PTPRT: variants seen among roughly 807,000 people sequenced by gnomAD.
PTPRT encodes the protein receptor-type tyrosine-protein phosphatase T.
In PTPRT, 56 loss-of-function variants were observed where a neutral mutation model predicts 176.8. The observed-to-expected ratio is 0.32, with a 90% CI of 0.26 to 0.40. The LOEUF is 0.40. Ranked by LOEUF, PTPRT falls within the 10% of genes least tolerant of loss-of-function variation. The pLI is 1.00. For missense variants in PTPRT, 1,540 were observed against 1,908.2 expected (o/e 0.81, Z 3.60); for synonymous variants, 783 against 739.0 (o/e 1.06, Z -0.96).
At chr20:42,650,266 A>G (rs1264219067) in intron 7 of PTPRT, among the ~76,000 whole-genome samples, 1 of 152,114 alleles carries the variant, frequency 6.6e-6, no homozygotes, top group African/African-American at 2.4e-5. Flanking sequence ...ACCAACCTCC[A>G]ATACCCTGTC....
intron 9 of PTPRT, among the ~76,000 whole-genome samples, chr20:42,352,549 G>A (rs781410851): frequency 5.3e-5 from 8 of 152,200 alleles, no homozygotes; most frequent in Non-Finnish European, 1.2e-4. Flanking sequence ...TACAGAGATA[G>A]AGAGTAGAAG....
intron 12 of PTPRT, among the ~76,000 whole-genome samples, chr20:42,293,055 T>C (rs2057340927): frequency 6.6e-6 from 1 of 152,184 alleles, no homozygotes; most frequent in African/African-American, 2.4e-5. Context: ...ATGTTCACTA[T>C]CAACTTTATG....
chr20:42,409,724 G>A (rs1363352949), intron 9 of PTPRT, among the ~76,000 whole-genome samples: 1 of 152,202 alleles, frequency 6.6e-6, no homozygotes, highest in Non-Finnish European at 1.5e-5. Context: ...GTCCCTTCAG[G>A]AAAGAGTTTG....
chr20:42,043,250 G>C, the PTPRT span, among the ~76,000 whole-genome samples: 1 of 152,208 alleles, frequency 6.6e-6, no homozygotes, highest in African/African-American at 2.4e-5. Flanking sequence ...AAAGCCCTTA[G>C]CTAGTTCTTC....
At chr20:42,787,807 A>G (rs1385187219) in intron 3 of PTPRT, among the ~76,000 whole-genome samples, 1 of 152,244 alleles carries the variant, frequency 6.6e-6, no homozygotes, top group Non-Finnish European at 1.5e-5. Flanking sequence ...TACTACTTAC[A>G]GTCTTTATTT....
At chr20:42,290,988 G>A (rs2057308221) in intron 12 of PTPRT, among the ~76,000 whole-genome samples, 2 of 152,086 alleles carry the variant, frequency 1.3e-5, no homozygotes, top group Non-Finnish European at 2.9e-5. Flanking sequence ...TCATTTAATA[G>A]GATGTAGATT....
chr20:42,175,854 A>G (rs930710132), intron 16 of PTPRT, among the ~76,000 whole-genome samples: 3 of 152,190 alleles, frequency 2.0e-5, no homozygotes, highest in Non-Finnish European at 4.4e-5. Context: ...TAAAATGTTA[A>G]TAGTAGAATC....
At chr20:43,060,042 C>A (rs1262372560) in intron 1 of PTPRT, among the ~76,000 whole-genome samples, 3 of 151,688 alleles carry the variant, frequency 2.0e-5, no homozygotes, top group Non-Finnish European at 2.9e-5. Flanking sequence ...TATGTCTGTT[C>A]AAGGCAGTGT....
chr20:42,430,985 G>C (rs922617734), intron 9 of PTPRT, among the ~76,000 whole-genome samples: 19 of 152,158 alleles, frequency 1.2e-4, no homozygotes, highest in Middle Eastern at 6.8e-3. Context: ...AGTTACAAAA[G>C]TATTCATTCC....
intron 8 of PTPRT, among the ~76,000 whole-genome samples, chr20:42,450,405 G>A (rs973696423): frequency 3.3e-5 from 5 of 152,284 alleles, no homozygotes; most frequent in Non-Finnish European, 5.9e-5. Context: ...AAAATTAAGT[G>A]CATGTGTATG....
chr20:42,715,341 T>G (rs1347361172), intron 6 of PTPRT, among the ~76,000 whole-genome samples: 1 of 152,106 alleles, frequency 6.6e-6, no homozygotes, highest in Non-Finnish European at 1.5e-5. Flanking sequence ...CCAAGATAAT[T>G]CAGATGTTAG....
At chr20:43,074,032 C>G (rs6072964) in intron 1 of PTPRT, among the ~76,000 whole-genome samples, 97,763 of 151,968 alleles carry the variant, frequency 0.64, 32,272 homozygotes, top group East Asian at 0.82. Context: ...GGGATTACAA[C>G]TGTGAGCCAC....
At chr20:42,780,048 G>A (rs2077192523) in intron 4 of PTPRT, among the ~76,000 whole-genome samples, 170 bp downstream of exon 4, 1 of 152,064 alleles carries the variant, frequency 6.6e-6, no homozygotes, top group Non-Finnish European at 1.5e-5. Flanking sequence ...GCAAAATTAT[G>A]GATTTATTCA....
chr20:42,796,456 A>G (rs527483553), intron 2 of PTPRT, among the ~76,000 whole-genome samples: 33 of 152,320 alleles, frequency 2.2e-4, no homozygotes, highest in Admixed American at 6.5e-4. Context: ...CAACCTACTC[A>G]TTTTATAAAC....
intron 6 of PTPRT, among the ~76,000 whole-genome samples, chr20:42,724,672 C>T (rs1416257771): frequency 6.6e-6 from 1 of 152,160 alleles, no homozygotes; most frequent in Non-Finnish European, 1.5e-5. Context: ...GTAACTCATG[C>T]TTGTAATCCC....
chr20:43,143,760 C>G (rs2014087764), intron 1 of PTPRT, among the ~76,000 whole-genome samples: 1 of 152,156 alleles, frequency 6.6e-6, no homozygotes, highest in Non-Finnish European at 1.5e-5. Flanking sequence ...AAGAGGCAGA[C>G]AGACAGCAGA....
At chr20:42,839,992 C>T (rs1329615567) in intron 2 of PTPRT, among the ~76,000 whole-genome samples, 3 of 152,116 alleles carry the variant, frequency 2.0e-5, no homozygotes, top group African/African-American at 7.2e-5. Context: ...TATTGGTTTC[C>T]TCAGCTGCCG....
At chr20:42,928,339 G>A (rs1302996741) in intron 1 of PTPRT, among the ~76,000 whole-genome samples, 3 of 152,244 alleles carry the variant, frequency 2.0e-5, no homozygotes, top group African/African-American at 7.2e-5. Context: ...GGCAGAGGGA[G>A]GGGACAGGAG....
rs761971670 is a variant in PTPRT at position 42,315,875 on chromosome 20, A to G, written c.1987T>C (p.Tyr663His). 6.2e-7 allele frequency: 1 copy of G among 1,614,200 alleles called. No homozygotes were observed. Among genetic ancestry groups the G allele is most frequent in the Non-Finnish European group, 8.5e-7 (1 of 1,180,044 alleles). The change falls in exon 12 of 31, where the codon TAC (tyrosine) becomes CAC (histidine). Residue 663 changes from tyrosine to histidine, a missense_variant. This residue lies in a region of PTPRT where 81 missense variants were observed against 89.9 expected (regional missense o/e 0.90). Transcript: ENST00000373187. The part of the protein sequence containing the change: ...RNASSLDSLH[Y>H]FAAELKPANL... ...GCAGGCTTCAACTCAGCAGCAAAGT[A>G]GTGTAGAGAATCGAGGCTGGAGGCA...
Sources: gnomAD v4.1 joint callset for allele counts (sites outside exome capture counted in the v4.1 genomes callset) on GRCh38, gnomAD v4.1.1 for gene constraint, gnomAD v4.1.1 regional missense constraint, MANE v1.5 for transcripts, NCBI Gene and HGNC (gene_info 2026-07-23, HGNC 2026-07-21) for gene names.